SHISA6: variants seen among roughly 807,000 people sequenced by gnomAD.
SHISA6 encodes shisa family member 6.
Under a neutral mutation model 47.9 loss-of-function variants are expected in SHISA6, and 22 were observed. That is an observed-to-expected ratio of 0.46 (90% CI 0.33 to 0.66). SHISA6 has a LOEUF of 0.66. Among genes scored for constraint, SHISA6 ranks in the 30% least tolerant of loss-of-function variants. SHISA6 has a pLI of 0.02. For synonymous variants in SHISA6, 388 were observed against 337.8 expected, an observed-to-expected ratio of 1.15 and a Z score of -1.63; for missense variants, 680 against 764.6, an observed-to-expected ratio of 0.89 and a Z score of 1.30.
chr17:11,343,395 G>C (rs1313501391), intron 2 of SHISA6, among the ~76,000 whole-genome samples: 1 of 152,202 alleles, frequency 6.6e-6, no homozygotes, highest in Non-Finnish European at 1.5e-5. Flanking sequence ...ACAAAGGCTT[G>C]TGTAGGGTAG....
chr17:11,359,740 G>C (rs205068), intron 2 of SHISA6, among the ~76,000 whole-genome samples: 77,181 of 152,008 alleles, frequency 0.51, 20,017 homozygotes, highest in East Asian at 0.67. Context: ...TGTGTCTGCT[G>C]TTTGTTTTGG....
intron 4 of SHISA6, among the ~76,000 whole-genome samples, chr17:11,552,822 C>T (rs554871861): frequency 6.6e-6 from 1 of 152,166 alleles, no homozygotes; most frequent in South Asian, 2.1e-4. Flanking sequence ...ATGATGAAAG[C>T]AATAGTATAA....
intron 1 of SHISA6, among the ~76,000 whole-genome samples, 172 bp from the exon 2 acceptor site, chr17:11,263,194 G>C (rs1908301278): frequency 6.6e-6 from 1 of 152,090 alleles, no homozygotes; most frequent in African/African-American, 2.4e-5. Flanking sequence ...CCTTTACCCT[G>C]TGTCCCCCCT....
At chr17:11,431,610 C>G (rs1245583817) in intron 3 of SHISA6, among the ~76,000 whole-genome samples, 2 of 152,184 alleles carry the variant, frequency 1.3e-5, no homozygotes, top group Non-Finnish European at 2.9e-5. Context: ...CTTCAAACTT[C>G]CAGCATGTGA....
intron 2 of SHISA6, among the ~76,000 whole-genome samples, chr17:11,360,106 G>T (rs991769970): frequency 6.6e-6 from 1 of 152,152 alleles, no homozygotes; most frequent in African/African-American, 2.4e-5. Flanking sequence ...GAAAATGTTA[G>T]CACATATACA....
chr17:11,325,220 C>T (rs1036002763), intron 2 of SHISA6, among the ~76,000 whole-genome samples: 4 of 152,316 alleles, frequency 2.6e-5, no homozygotes, highest in African/African-American at 9.6e-5. Context: ...ATGCTGGCCT[C>T]TGTGTTTCAG....
At chr17:11,555,599 C>A in intron 4 of SHISA6, 141 bp from the exon 5 acceptor site, 1 of 973,112 alleles carries the variant, frequency 1.0e-6, no homozygotes, top group South Asian at 2.0e-5. Context: ...ATGAGGGAAA[C>A]TGAGTCAATA....
intron 3 of SHISA6, among the ~76,000 whole-genome samples, chr17:11,419,541 G>T (rs768585279): frequency 1.3e-5 from 2 of 152,170 alleles, no homozygotes; most frequent in Non-Finnish European, 2.9e-5. Flanking sequence ...GAACCGTTAG[G>T]AGTTTAGGCA....
At chr17:11,446,242 A>G (rs1415262844) in intron 3 of SHISA6, among the ~76,000 whole-genome samples, 4 of 152,254 alleles carry the variant, frequency 2.6e-5, no homozygotes, top group Admixed American at 6.5e-5. Context: ...AGGTCAAAGC[A>G]GTATACTTGG....
intron 2 of SHISA6, among the ~76,000 whole-genome samples, chr17:11,344,949 C>G (rs1911650281): frequency 6.6e-6 from 1 of 152,132 alleles, no homozygotes; most frequent in Non-Finnish European, 1.5e-5. Context: ...CCGACCTTTC[C>G]TACCATGTAA....
At chr17:11,331,761 C>G (rs1455964562) in intron 2 of SHISA6, among the ~76,000 whole-genome samples, 1 of 144,826 alleles carries the variant, frequency 6.9e-6, no homozygotes, top group Non-Finnish European at 1.5e-5. Context: ...CACACACACA[C>G]AGCCCCCTTG....
intron 4 of SHISA6, among the ~76,000 whole-genome samples, chr17:11,552,793 A>G (rs1053747472): frequency 3.3e-5 from 5 of 152,226 alleles, no homozygotes; most frequent in South Asian, 2.1e-4. Context: ...TTCATGTGCT[A>G]TGCTCCAGGT....
intron 1 of SHISA6, among the ~76,000 whole-genome samples, chr17:11,256,771 C>T (rs1908023570): frequency 6.6e-6 from 1 of 152,122 alleles, no homozygotes. Context: ...TTTCTCAGGC[C>T]TGGGGGAATT....
chr17:11,341,460 G>T (rs926692933), intron 2 of SHISA6, among the ~76,000 whole-genome samples: 1 of 150,184 alleles, frequency 6.7e-6, no homozygotes, highest in Non-Finnish European at 1.5e-5. Context: ...TCAGCCTCCT[G>T]AGTTGGTGGG....
chr17:11,333,974 C>G (rs1401560466), intron 2 of SHISA6, among the ~76,000 whole-genome samples: 3 of 152,196 alleles, frequency 2.0e-5, no homozygotes, highest in African/African-American at 7.2e-5. Flanking sequence ...CCGTGCTCCC[C>G]ACTCTCCATA....
At chr17:11,456,003 A>G (rs1232800076) in intron 3 of SHISA6, among the ~76,000 whole-genome samples, 1 of 125,246 alleles carries the variant, frequency 8.0e-6, no homozygotes, top group South Asian at 2.5e-4. Flanking sequence ...TCTTAACAGC[A>G]CCCAGACCTG....
intron 3 of SHISA6, among the ~76,000 whole-genome samples, chr17:11,548,525 A>G (rs1180319427): frequency 6.6e-6 from 1 of 152,026 alleles, no homozygotes; most frequent in Non-Finnish European, 1.5e-5. Context: ...ATCAAATAAG[A>G]TATTTCTCAG....
chr17:11,299,682 TCACTCCA>T (rs1909856715), intron 2 of SHISA6, among the ~76,000 whole-genome samples: 1 of 152,094 alleles, frequency 6.6e-6, no homozygotes. Flanking sequence ...TCAAAGTGCA[TCACTCCA>T]ATCTCTGTTT....
intron 3 of SHISA6, among the ~76,000 whole-genome samples, chr17:11,489,402 C>A (rs1916423210): frequency 6.6e-6 from 1 of 152,164 alleles, no homozygotes; most frequent in African/African-American, 2.4e-5. Context: ...TTAACTCTCC[C>A]TTGAGTGTCT....
Sources: gnomAD v4.1 joint callset for allele counts (sites outside exome capture counted in the v4.1 genomes callset) on GRCh38, gnomAD v4.1.1 for gene constraint, MANE v1.5 for transcripts, NCBI Gene and HGNC (gene_info 2026-07-23, HGNC 2026-07-21) for gene names.